SPARCL1: variants seen among roughly 807,000 people sequenced by gnomAD.
SPARCL1 encodes the protein SPARC-like protein 1.
A neutral mutation model predicts 67.1 loss-of-function variants in SPARCL1; 52 were observed. The ratio of observed to expected loss-of-function variants is 0.78; its 90% CI spans 0.62 to 0.98. The LOEUF is 0.98. Ranked by LOEUF, SPARCL1 falls within the 50% of genes least tolerant of loss-of-function variation. The pLI, the probability that SPARCL1 is intolerant of heterozygous loss-of-function variation, is 0.00. For synonymous variants in SPARCL1, 226 were observed against 267.8 expected (o/e 0.84, Z 1.52); for missense variants, 717 against 782.4 (o/e 0.92, Z 1.00).
intron 4 of SPARCL1, 135 bp downstream of exon 4, chr4:87,493,447 G>GAAAT: frequency 1.4e-6 from 1 of 725,582 alleles, no homozygotes; most frequent in Non-Finnish European, 2.1e-6. Context: ...GACCTAAAAA[G>GAAAT]AAATAACTGT....
rs558854216 is a variant in SPARCL1 at position 87,491,621 on chromosome 4, C to G, written c.1288G>C (p.Val430Leu). ...SSEGNMRVHA[V>L]DSCMSFQCKR... ...AGCTTGCTTCATGCATACTCACCCACAGCATGCACCCTCATGTTGCCTTCA... is the reference window on the plus strand; with the variant it reads ...AGCTTGCTTCATGCATACTCACCCAGAGCATGCACCCTCATGTTGCCTTCA... The change falls in exon 5 of 11, where the codon GTG becomes CTG. Residue 430 changes from valine to leucine, a missense_variant. By Grantham distance (32) the Val-to-Leu change is conservative. Coordinates refer to ENST00000282470, the MANE Select transcript of SPARCL1 (RefSeq NM_004684.6). 3 of 1,609,694 alleles carry G rather than the reference C, an allele frequency of 1.9e-6. No homozygotes were observed. Among genetic ancestry groups the G allele is most frequent in the Non-Finnish European group, 1.7e-6 (2 of 1,176,062 alleles).
At position 87,493,778 on chromosome 4, in the gene SPARCL1, CCAT is replaced by C. The variant is rs1354340146; in HGVS notation, c.1019_1021del (p.Asp340del). 6.2e-7 allele frequency: 1 copy of C among 1,614,096 alleles called. No individual in the cohort carries two copies. Among genetic ancestry groups the C allele is most frequent in the Admixed American group, 1.7e-5 (1 of 60,020 alleles). On this transcript the variant is annotated inframe_deletion, in exon 4 of 11. Transcript: ENST00000282470. ...GCCGCCATCATCGCCATCATCATCG[CCAT>C]CATCATCAACTCCATGATTTCTGGG...
At chr4:87,523,027 G>A (rs1273769062) in intron 1 of SPARCL1, among the ~76,000 whole-genome samples, 2 of 152,132 alleles carry the variant, frequency 1.3e-5, no homozygotes, top group African/African-American at 4.8e-5. Flanking sequence ...CTGGGAGGCC[G>A]AGGTGGGTGA....
At chr4:87,508,544 G>A (rs747124411) in intron 1 of SPARCL1, among the ~76,000 whole-genome samples, 2 of 151,790 alleles carry the variant, frequency 1.3e-5, no homozygotes, top group Non-Finnish European at 2.9e-5. Flanking sequence ...CAGAATATGG[G>A]GCAGAACCCC....
At chr4:87,501,354 C>T (rs769904152) in intron 1 of SPARCL1, among the ~76,000 whole-genome samples, 3 of 152,070 alleles carry the variant, frequency 2.0e-5, no homozygotes, top group Non-Finnish European at 4.4e-5. Context: ...TTAGTTTTCT[C>T]CCTCATTTTG....
chr4:87,521,561 A>C (rs76663665), intron 1 of SPARCL1, among the ~76,000 whole-genome samples: 2,476 of 152,260 alleles, frequency 0.016, 64 homozygotes, highest in African/African-American at 0.056. Flanking sequence ...TCCAGTGGTT[A>C]GCTCCTTCTG....
At chr4:87,503,975 C>CAG (rs1164304911) in intron 1 of SPARCL1, among the ~76,000 whole-genome samples, 1 of 151,972 alleles carries the variant, frequency 6.6e-6, no homozygotes, top group Non-Finnish European at 1.5e-5. Flanking sequence ...TTGAAGAAAA[C>CAG]AGGGCTATAG....
chr4:87,480,031 C>T (rs992239671), intron 9 of SPARCL1, among the ~76,000 whole-genome samples: 5 of 145,470 alleles, frequency 3.4e-5, no homozygotes, highest in Non-Finnish European at 6.1e-5. Context: ...TTCACAGCAG[C>T]TTTTTTTTTT....
At chr4:87,514,938 T>C (rs1725520470) in intron 1 of SPARCL1, among the ~76,000 whole-genome samples, 1 of 152,234 alleles carries the variant, frequency 6.6e-6, no homozygotes. Context: ...CCATTTATTC[T>C]TGGATGAGTA....
chr4:87,510,969 C>T (rs1438466713), intron 1 of SPARCL1, among the ~76,000 whole-genome samples: 2 of 152,250 alleles, frequency 1.3e-5, no homozygotes, highest in Non-Finnish European at 2.9e-5. Flanking sequence ...TGGCCAGTTC[C>T]TGCCTTCGCT....
intron 1 of SPARCL1, among the ~76,000 whole-genome samples, chr4:87,516,969 C>G (rs1725607604): frequency 6.6e-6 from 1 of 152,124 alleles, no homozygotes; most frequent in South Asian, 2.1e-4. Context: ...AGACAGTTGC[C>G]TGTTCTTTTT....
intron 1 of SPARCL1, among the ~76,000 whole-genome samples, chr4:87,518,003 C>T (rs770195104): frequency 2.0e-5 from 3 of 152,160 alleles, no homozygotes; most frequent in Non-Finnish European, 2.9e-5. Context: ...GTGGTCCAAG[C>T]TTCTCATGTA....
intron 1 of SPARCL1, among the ~76,000 whole-genome samples, chr4:87,516,858 T>C (rs59293403): frequency 0.056 from 8,566 of 152,246 alleles, 765 homozygotes; most frequent in African/African-American, 0.2. Flanking sequence ...CCTTTCACCA[T>C]CTCTTAATCA....
At chr4:87,502,898 T>C (rs938108931) in intron 1 of SPARCL1, among the ~76,000 whole-genome samples, 2 of 152,214 alleles carry the variant, frequency 1.3e-5, no homozygotes, top group African/African-American at 4.8e-5. Flanking sequence ...CCAAATGTCA[T>C]TGACAGATAT....
At chr4:87,519,651 A>C (rs1017723335) in intron 1 of SPARCL1, among the ~76,000 whole-genome samples, 1 of 152,188 alleles carries the variant, frequency 6.6e-6, no homozygotes, top group African/African-American at 2.4e-5. Context: ...TATAAGCTGC[A>C]AATACATATT....
chr4:87,500,179 T>G (rs890082368), intron 1 of SPARCL1, among the ~76,000 whole-genome samples: 33 of 152,206 alleles, frequency 2.2e-4, no homozygotes, highest in Non-Finnish European at 5.9e-5. Context: ...CAGTTTCTCT[T>G]GAACCATCTG....
At chr4:87,517,561 G>A (rs867464677) in intron 1 of SPARCL1, among the ~76,000 whole-genome samples, 3 of 152,096 alleles carry the variant, frequency 2.0e-5, no homozygotes, top group Middle Eastern at 3.4e-3. Flanking sequence ...TAATTTATTT[G>A]TTTCTCTACT....
intron 2 of SPARCL1, chr4:87,497,225 T>C: frequency 1.0e-6 from 1 of 985,218 alleles, no homozygotes. Flanking sequence ...CCTTTGCTTC[T>C]TATCTCCTTT....
intron 10 of SPARCL1, among the ~76,000 whole-genome samples, chr4:87,477,239 G>A (rs1018695205): frequency 5.9e-5 from 9 of 152,138 alleles, no homozygotes; most frequent in African/African-American, 2.2e-4. Flanking sequence ...GTTTAAATTT[G>A]CCTTTTTATC....
Sources: allele counts gnomAD v4.1 joint callset (sites outside exome capture counted in the v4.1 genomes callset), GRCh38; gene constraint gnomAD v4.1.1; transcripts MANE v1.5; gene names NCBI Gene and HGNC (gene_info 2026-07-23, HGNC 2026-07-21).